MECOM: variants seen among roughly 807,000 people sequenced by gnomAD.
MECOM encodes histone-lysine N-methyltransferase MECOM.
MECOM carries 13 observed loss-of-function variants against 116.3 expected under a neutral mutation model. The ratio of observed to expected loss-of-function variants is 0.11; its 90% CI spans 0.07 to 0.18. The LOEUF (loss-of-function observed/expected upper bound fraction) is 0.18, where lower values mean the gene tolerates loss of function less well. Among genes scored for constraint, MECOM ranks in the 10% least tolerant of loss-of-function variants. The pLI is 1.00. For missense variants in MECOM, 1,299 were observed against 1,509.0 expected (o/e 0.86, Z 2.31); for synonymous variants, 528 against 535.2 (o/e 0.99, Z 0.19).
intron 2 of MECOM, among the ~76,000 whole-genome samples, chr3:169,363,822 A>C (rs1425490488): frequency 1.3e-5 from 2 of 151,884 alleles, no homozygotes; most frequent in Non-Finnish European, 2.9e-5. Context: ...CCACCGCACA[A>C]TGGCAGACAC....
At chr3:169,608,668 T>C (rs1768880594) in intron 1 of MECOM, among the ~76,000 whole-genome samples, 2 of 152,230 alleles carry the variant, frequency 1.3e-5, no homozygotes, top group Admixed American at 6.5e-5. Flanking sequence ...CTAATGGAAC[T>C]GCCTTATGGC....
intron 1 of MECOM, among the ~76,000 whole-genome samples, chr3:169,436,394 G>C (rs909759446): frequency 1.3e-5 from 2 of 151,986 alleles, no homozygotes; most frequent in African/African-American, 4.8e-5. Flanking sequence ...AGTATTACGG[G>C]CATGCGCCAC....
intron 2 of MECOM, among the ~76,000 whole-genome samples, chr3:169,282,967 CTA>C (rs1178531919): frequency 6.6e-6 from 1 of 151,728 alleles, no homozygotes; most frequent in Non-Finnish European, 1.5e-5. Flanking sequence ...ACGGTAATTT[CTA>C]TGAGAAACTT....
rs79944889 is a variant in MECOM, at chr3:169,439,551, A to G, written c.38-58027T>C. Among the ~76,000 whole-genome samples the G allele has an allele frequency of 6.2e-3, 939 of 152,254 alleles. 19 individuals carry two copies. The East Asian group carries it at 0.071, about 11-fold the overall frequency. ...AAATGCAAATTAAGGCTGTAATGAG[A>G]TAGTATTTTACATCTCCTAGATGGG... On this transcript the variant is annotated intron_variant, in intron 1 of 16. Coordinates refer to ENST00000651503, the MANE Select transcript of MECOM (RefSeq NM_004991.4).
intron 2 of MECOM, among the ~76,000 whole-genome samples, chr3:169,362,644 T>C (rs572916221): frequency 1.3e-4 from 20 of 152,106 alleles, no homozygotes; most frequent in Non-Finnish European, 2.1e-4. Flanking sequence ...GTTACCAATG[T>C]GGCTGCCCAA....
intron 2 of MECOM, among the ~76,000 whole-genome samples, chr3:169,311,599 C>T (rs1309165749): frequency 6.6e-6 from 1 of 152,134 alleles, no homozygotes; most frequent in Admixed American, 6.5e-5. Context: ...TTACATAATA[C>T]AGGAAATGGC....
intron 2 of MECOM, among the ~76,000 whole-genome samples, chr3:169,361,983 G>A (rs1246980650): frequency 2.6e-5 from 4 of 151,878 alleles, no homozygotes; most frequent in African/African-American, 9.7e-5. Context: ...CATATAAAAT[G>A]CAGAGAGAGA....
intron 1 of MECOM, among the ~76,000 whole-genome samples, chr3:169,633,940 G>A (rs1226480025): frequency 6.6e-6 from 1 of 151,574 alleles, no homozygotes; most frequent in African/African-American, 2.4e-5. Context: ...CAGGCGACAG[G>A]CAGCAGGGGA....
At chr3:169,329,687 A>G (rs930455257) in intron 2 of MECOM, among the ~76,000 whole-genome samples, 3 of 152,240 alleles carry the variant, frequency 2.0e-5, no homozygotes, top group Non-Finnish European at 4.4e-5. Flanking sequence ...AATGGGTGAC[A>G]AAGAGGAGTT....
At chr3:169,606,958 C>T (rs1293325109) in intron 1 of MECOM, among the ~76,000 whole-genome samples, 1 of 152,200 alleles carries the variant, frequency 6.6e-6, no homozygotes, top group Admixed American at 6.5e-5. Flanking sequence ...TAGCCATATG[C>T]CTCAGTATAG....
At chr3:169,237,878 T>C (rs1355976278) in intron 2 of MECOM, among the ~76,000 whole-genome samples, 1 of 152,102 alleles carries the variant, frequency 6.6e-6, no homozygotes, top group African/African-American at 2.4e-5. Context: ...CTCTTTACTA[T>C]TAAGAAATTA....
chr3:169,261,065 C>T (rs942316719), intron 2 of MECOM, among the ~76,000 whole-genome samples: 5 of 152,004 alleles, frequency 3.3e-5, no homozygotes, highest in Non-Finnish European at 7.4e-5. Context: ...CCTTCATGAT[C>T]GTGGTTGCAT....
At chr3:169,292,130 G>A (rs1577610559) in intron 2 of MECOM, among the ~76,000 whole-genome samples, 1 of 152,048 alleles carries the variant, frequency 6.6e-6, no homozygotes, top group East Asian at 1.9e-4. Flanking sequence ...ATCACTTGAG[G>A]TCAGGAGTTT....
chr3:169,245,686 T>C (rs1755494871), intron 2 of MECOM, among the ~76,000 whole-genome samples: 1 of 152,222 alleles, frequency 6.6e-6, no homozygotes, highest in Admixed American at 6.5e-5. Flanking sequence ...AAATATGCTC[T>C]GTTATAGAAA....
At chr3:169,179,924 G>T (rs1189865504) in intron 2 of MECOM, among the ~76,000 whole-genome samples, 1 of 152,146 alleles carries the variant, frequency 6.6e-6, no homozygotes, top group Non-Finnish European at 1.5e-5. Flanking sequence ...ATCAGTCCTA[G>T]ACCTGTAGCT....
Position 169,102,190 on chromosome 3 carries a change from T to G in MECOM, c.2641A>C (p.Ser881Arg). The G allele has an allele frequency of 1.2e-6, 2 of 1,613,628 alleles. No individual in the cohort carries two copies. The highest frequency in any genetic ancestry group is 1.7e-6 in the Non-Finnish European group (2 of 1,179,704). The change falls in exon 11 of 17, where the codon AGC becomes CGC. Residue 881 changes from serine to arginine, a missense_variant. Around this residue, in one of 6 missense-constraint regions of MECOM, gnomAD observed 340 missense variants for 312.6 expected, o/e 1.09. Coordinates refer to ENST00000651503, the MANE Select transcript of MECOM (RefSeq NM_004991.4). ...AIENMAEKLE[S>R]FSALKPEASE... Reference sequence around the variant, plus strand: ...GCCTCAGGTTTCAGGGCACTGAAGCTCTCTAGCTTTTCTGCCATGTTTTCA... The same window carrying G: ...GCCTCAGGTTTCAGGGCACTGAAGCGCTCTAGCTTTTCTGCCATGTTTTCA...
At chr3:169,657,283 G>A (rs975702658) in intron 1 of MECOM, among the ~76,000 whole-genome samples, 4 of 152,120 alleles carry the variant, frequency 2.6e-5, no homozygotes, top group African/African-American at 7.2e-5. Context: ...ATTAAAATTC[G>A]CTATCACGAT....
chr3:169,523,998 A>G (rs1189077341), intron 1 of MECOM, among the ~76,000 whole-genome samples: 5 of 147,362 alleles, frequency 3.4e-5, no homozygotes, highest in Non-Finnish European at 7.5e-5. Flanking sequence ...ACATACCTGT[A>G]TATGAATAAA....
chr3:169,410,572 A>G (rs529053637), intron 1 of MECOM, among the ~76,000 whole-genome samples: 1 of 151,222 alleles, frequency 6.6e-6, no homozygotes, highest in Admixed American at 6.9e-5. Flanking sequence ...AGCATGAGTA[A>G]TACTTGTTAT....
Sources: gnomAD v4.1 joint callset for allele counts (sites outside exome capture counted in the v4.1 genomes callset) on GRCh38, gnomAD v4.1.1 for gene constraint, gnomAD v4.1.1 regional missense constraint, MANE v1.5 for transcripts, NCBI Gene and HGNC (gene_info 2026-07-23, HGNC 2026-07-21) for gene names.